The following CLBA1 variants were observed in gnomAD, a reference collection of about 807,000 sequenced individuals.
CLBA1 encodes the protein uncharacterized protein CLBA1.
Under a neutral mutation model 28.8 loss-of-function variants are expected in CLBA1, and 30 were observed. The ratio of observed to expected loss-of-function variants is 1.04; its 90% confidence interval spans 0.78 to 1.41. The LOEUF is 1.41. CLBA1 is among the 40% of genes most tolerant of loss of function. The probability of loss-of-function intolerance (pLI) is 0.00; values close to 1 mark genes in which losing one functional copy is unlikely to be tolerated. For missense variants in CLBA1, 451 were observed against 412.3 expected (o/e 1.09, Z -0.81); for synonymous variants, 160 against 152.8 (o/e 1.05, Z -0.35).
downstream of CLBA1, among the ~76,000 whole-genome samples, chr14:104,996,530 T>C: frequency 6.6e-6 from 1 of 152,008 alleles, no homozygotes; most frequent in East Asian, 1.9e-4. Context: ...GGATTTTTGT[T>C]CCCAAAGTCT....
Position 104,986,693 on chromosome 14 carries a change from TC to T in CLBA1, c.263del (p.Ser88Ter). On this transcript the variant is annotated frameshift_variant, in exon 1 of 5. Transcript: ENST00000547315. LOFTEE classifies it high-confidence loss of function. Reference sequence around the variant, plus strand: ...GGAGTTTGAAGGCTTTCGGGAATCTTCAGCCAAGTCTGGACAATTCTCACAG... The same window carrying T: ...GGAGTTTGAAGGCTTTCGGGAATCTTAGCCAAGTCTGGACAATTCTCACAG... ...WGEFEGFRES[S>X]AKSGQFSQSL... 6.2e-7 allele frequency: 1 copy of T among 1,614,078 alleles called. No individual in the cohort carries two copies. The highest frequency in any genetic ancestry group is 8.5e-7 in the Non-Finnish European group (1 of 1,179,996).
In CLBA1 at chr14:104,994,232, G is replaced by C. The variant is rs541953073; in HGVS notation, c.817-366G>C. ...GACGTCCAGCCGCAGCTGTTTGGGG[G>C]AAGTCTGTGGTGTAGTCCAAGAGTG... On this transcript the variant is annotated intron_variant, in intron 4 of 4. Coordinates refer to ENST00000547315, the MANE Select transcript of CLBA1 (RefSeq NM_174891.4). The C allele has an allele frequency of 1.8e-4, 180 of 985,464 alleles. 1 individual carries two copies. In the South Asian group the frequency reaches 7.6e-3, roughly 41 times the overall value. 61.0% of individuals were successfully genotyped at this position (985,464 alleles called of 1,614,324 possible). A position where few individuals can be genotyped will look rare whatever the true frequency, so the allele number is the denominator to read the frequency against.
intron 1 of CLBA1, among the ~76,000 whole-genome samples, chr14:104,987,768 C>T (rs1002521765): frequency 1.3e-5 from 2 of 149,344 alleles, no homozygotes; most frequent in Non-Finnish European, 3.0e-5. Flanking sequence ...CAGGCATCCA[C>T]CACCACGCCC....
At chr14:104,996,929 T>C (rs1900166744), downstream of CLBA1, among the ~76,000 whole-genome samples, 1 of 152,256 alleles carries the variant, frequency 6.6e-6, no homozygotes, top group Admixed American at 6.5e-5. Context: ...CGTGCCCCTC[T>C]GTGGAACTAA....
chr14:104,994,460 T>A (rs1406004280), intron 4 of CLBA1, 138 bp from the exon 5 acceptor site: 1 of 1,417,544 alleles, frequency 7.1e-7, no homozygotes, highest in Non-Finnish European at 9.2e-7. Context: ...CATCCCATGA[T>A]GAGAAGGTTT....
In CLBA1 at chr14:104,992,949, A is replaced by G. The variant is rs539550549; in HGVS notation, c.701A>G (p.Asn234Ser). The G allele has an allele frequency of 2.5e-5, 40 of 1,612,442 alleles. No individual in the cohort carries two copies. In the South Asian group the frequency reaches 4.2e-4, roughly 17 times the overall value. The change falls in exon 4 of 5, where the codon AAC (asparagine) becomes AGC (serine). Residue 234 changes from asparagine (N) to serine (S), a missense_variant and splice_region_variant. Transcript: ENST00000547315. ...LVLGIDAAQK[N>S]LSGGQGHIME... ...GTCTGATGGGGTCTGTCTCCTTAGA[A>G]CCTTTCTGGAGGCCAGGGCCACATC...
chr14:104,986,140 A>C lies in CLBA1; in HGVS notation c.-292A>C, dbSNP rs944005716. 2 of 473,750 alleles carry C rather than the reference A, an allele frequency of 4.2e-6. No homozygotes were observed. Among genetic ancestry groups the C allele is most frequent in the Admixed American group, 6.7e-5 (2 of 29,860 alleles). The allele number at this position is 473,750 out of a possible 1,614,324, so 29.3% of individuals were successfully genotyped here. A position where few individuals can be genotyped will look rare whatever the true frequency, so the allele number is the denominator to read the frequency against. ...AGCCCCACCTTGGGCCGCCCCTCTCACACCTGCCGTGGGTCTGGTACGCGC... is the reference window on the plus strand; with the variant it reads ...AGCCCCACCTTGGGCCGCCCCTCTCCCACCTGCCGTGGGTCTGGTACGCGC... On this transcript the variant is annotated 5_prime_UTR_variant, in exon 1 of 5. Transcript: ENST00000547315.
At position 104,994,582 on chromosome 14, in the gene CLBA1, T is replaced by C. The variant is rs764723483; in HGVS notation, c.817-16T>C. 2.5e-6 allele frequency: 4 copies of C among 1,597,516 alleles called. No homozygotes were observed. Among genetic ancestry groups the C allele is most frequent in the Admixed American group, 1.7e-5 (1 of 57,196 alleles). On this transcript the variant is annotated splice_polypyrimidine_tract_variant and intron_variant, in intron 4 of 4. Coordinates refer to ENST00000547315, the MANE Select transcript of CLBA1 (RefSeq NM_174891.4). ...GCCCGGGGTGCGCGCGCCTGACTGC[T>C]GTCCTCTCATCTCAGCTCTCGGGGC...
chr14:104,991,437 A>T, intron 2 of CLBA1, 54 bp from the exon 3 acceptor site: 1 of 1,607,822 alleles, frequency 6.2e-7, no homozygotes. Context: ...GTGCCTCATG[A>T]TCTCCTCAGA....
chr14:105,000,500 G>GACC (rs2140902845), downstream of CLBA1, among the ~76,000 whole-genome samples: 1 of 152,194 alleles, frequency 6.6e-6, no homozygotes, highest in Non-Finnish European at 1.5e-5. Flanking sequence ...TCGAACTCCT[G>GACC]ACCTCAGGTG....
chr14:104,996,888 T>C (rs905082812), downstream of CLBA1, among the ~76,000 whole-genome samples: 1 of 152,232 alleles, frequency 6.6e-6, no homozygotes, highest in Non-Finnish European at 1.5e-5. Context: ...ACAACTCTGT[T>C]CCCACTCTGG....
At chr14:104,992,011 A>G (rs1900041227) in intron 3 of CLBA1, among the ~76,000 whole-genome samples, 1 of 129,144 alleles carries the variant, frequency 7.7e-6, no homozygotes, top group South Asian at 2.6e-4. Flanking sequence ...ACCTCACGCC[A>G]CCACATGCCG....
rs971882561 is a variant in CLBA1, at chr14:104,995,324, A to G, written c.*565A>G. ...TCACTTACTGCCTGGGCCCCTGCCC[A>G]GCAGCCTCAAGGACAGGCCTTTGTC... On this transcript the variant is annotated 3_prime_UTR_variant, in exon 5 of 5. Transcript: ENST00000547315. The G allele has an allele frequency of 1.6e-5, 16 of 985,356 alleles. No individual in the cohort carries two copies. The highest frequency in any genetic ancestry group is 1.9e-5 in the Non-Finnish European group (16 of 830,012). 61.0% of individuals were successfully genotyped at this position (985,356 alleles called of 1,614,324 possible).
In CLBA1 at chr14:104,993,815, G is replaced by A. The variant is rs1037945145; in HGVS notation, c.816+751G>A. On this transcript the variant is annotated intron_variant, in intron 4 of 4. Transcript: ENST00000547315. The stretch of plus-strand genomic sequence containing the variant: ...ACACCCAGGAGATGGTGGGAGGGGC[G>A]CATGGGCGGCTGTGAGCATGAAGAG... 5.1e-6 allele frequency: 5 copies of A among 985,332 alleles called. No individual in the cohort carries two copies. In the African/African-American group the frequency reaches 5.2e-5, roughly 10 times the overall value. 61.0% of individuals were successfully genotyped at this position (985,332 alleles called of 1,614,324 possible).
At chr14:104,987,645 C>A (rs1162078043) in intron 1 of CLBA1, among the ~76,000 whole-genome samples, 1 of 103,420 alleles carries the variant, frequency 9.7e-6, no homozygotes, top group Admixed American at 1.5e-4. Flanking sequence ...TTTGAGACAG[C>A]CTCACTCTGT....
At chr14:104,997,248 G>A (rs1003969883), downstream of CLBA1, among the ~76,000 whole-genome samples, 5 of 152,164 alleles carry the variant, frequency 3.3e-5, no homozygotes, top group Non-Finnish European at 2.9e-5. Context: ...TCTTTAGATG[G>A]GTTTAACAGC....
chr14:104,989,749 G>A (rs1899967572), intron 2 of CLBA1: 1 of 451,398 alleles, frequency 2.2e-6, no homozygotes, highest in African/African-American at 2.0e-5. Context: ...GGAAGTGAAG[G>A]TTGGGGTGAG....
chr14:104,991,330 C>T (rs184549385), intron 2 of CLBA1, 161 bp from the exon 3 acceptor site: 2 of 756,354 alleles, frequency 2.6e-6, no homozygotes, highest in East Asian at 3.1e-5. Flanking sequence ...AGCCCGGGAA[C>T]ACTGTTTTTA....
chr14:104,995,606 C>T, downstream of CLBA1: 1 of 658,610 alleles, frequency 1.5e-6, no homozygotes, highest in South Asian at 6.8e-5. Context: ...AGCAGCCACC[C>T]TGGCTGTCTC....
Sources: allele counts gnomAD v4.1 joint callset (sites outside exome capture counted in the v4.1 genomes callset), GRCh38; gene constraint gnomAD v4.1.1; transcripts MANE v1.5; gene names NCBI Gene and HGNC (gene_info 2026-07-23, HGNC 2026-07-21).